The following PLCL1 variants were observed in gnomAD, a reference collection of about 807,000 sequenced individuals.
PLCL1 encodes the protein phospholipase C like 1 (inactive).
PLCL1 carries 41 observed loss-of-function variants against 84.4 expected under a neutral mutation model. The observed-to-expected ratio is 0.49, with a 90% CI of 0.38 to 0.63. PLCL1 has a LOEUF of 0.63. Ranked by LOEUF, PLCL1 falls within the 30% of genes least tolerant of loss-of-function variation. PLCL1 has a pLI of 0.00. For missense variants in PLCL1, 1,206 were observed against 1,367.8 expected (o/e 0.88, Z 1.87); for synonymous variants, 490 against 488.3 (o/e 1.00, Z -0.05).
At chr2:197,830,202 G>T (rs1691026944) in intron 1 of PLCL1, among the ~76,000 whole-genome samples, 1 of 151,976 alleles carries the variant, frequency 6.6e-6, no homozygotes, top group African/African-American at 2.4e-5. Flanking sequence ...GCTTCAGAAG[G>T]TGGGTAATAA....
At chr2:198,040,500 C>A (rs12329164) in intron 1 of PLCL1, among the ~76,000 whole-genome samples, 3 of 151,814 alleles carry the variant, frequency 2.0e-5, no homozygotes, top group South Asian at 2.1e-4. Flanking sequence ...AGAGAGGAAC[C>A]CAGCTGTCAG....
chr2:197,995,893 G>T (rs1001887519), intron 1 of PLCL1, among the ~76,000 whole-genome samples: 2 of 152,158 alleles, frequency 1.3e-5, no homozygotes, highest in African/African-American at 4.8e-5. Flanking sequence ...GTGACAAATG[G>T]TCATCTTATG....
At chr2:198,106,269 GA>G (rs1302969907) in intron 5 of PLCL1, among the ~76,000 whole-genome samples, 1 of 151,916 alleles carries the variant, frequency 6.6e-6, no homozygotes, top group East Asian at 1.9e-4. Flanking sequence ...ATGTTTATGT[GA>G]AAGTGTTAGG....
intron 1 of PLCL1, among the ~76,000 whole-genome samples, chr2:197,810,639 A>G (rs886824302): frequency 1.3e-5 from 2 of 152,204 alleles, no homozygotes; most frequent in Admixed American, 1.3e-4. Context: ...AGATATCAGG[A>G]GACAGCCGAC....
Position 197,922,633 on chromosome 2 carries a change from G to C in PLCL1, c.240+117294G>C, listed in dbSNP as rs569093844. ...ACCTCCCGGACGGGGCGGCTGGCCG[G>C]GCAGGGGGCTGACCCCCCCACCCCC... On this transcript the variant is annotated intron_variant, in intron 1 of 5. Transcript: ENST00000428675. Among the ~76,000 whole-genome samples, 599 of 144,058 alleles carry C rather than the reference G, an allele frequency of 4.2e-3. 21 individuals carry two copies. Among genetic ancestry groups the C allele is most frequent in the African/African-American group, 0.015 (573 of 39,252 alleles). The allele number at this position is 144,058 out of a possible 152,430, so 94.5% of individuals were successfully genotyped here.
At chr2:197,941,512 G>A (rs2105774645) in intron 1 of PLCL1, among the ~76,000 whole-genome samples, 1 of 152,206 alleles carries the variant, frequency 6.6e-6, no homozygotes, top group South Asian at 2.1e-4. Context: ...GGCTGGTCTC[G>A]AACTCTGGGC....
rs113427668 is a variant in PLCL1, at chr2:197,811,642, T to A, written c.240+6303T>A. On this transcript the variant is annotated intron_variant, in intron 1 of 5. Coordinates refer to ENST00000428675, the MANE Select transcript of PLCL1 (RefSeq NM_006226.4). The stretch of plus-strand genomic sequence containing the variant: ...GTTTCCATATATTTCTTAATTTGTA[T>A]TTGTAAATTTATGAAAGTGTGTAGC... Among the ~76,000 whole-genome samples the A allele has an allele frequency of 5.6e-3, 860 of 152,358 alleles. 13 individuals are homozygous for A. The highest frequency in any genetic ancestry group is 0.019 in the African/African-American group (804 of 41,582).
intron 1 of PLCL1, among the ~76,000 whole-genome samples, chr2:198,030,903 A>C (rs1270247955): frequency 1.3e-5 from 2 of 152,186 alleles, no homozygotes; most frequent in Non-Finnish European, 2.9e-5. Context: ...CTGTGTTCGT[A>C]AGGCACAAGA....
intron 1 of PLCL1, among the ~76,000 whole-genome samples, chr2:197,982,963 T>C (rs1435656139): frequency 6.6e-6 from 1 of 152,126 alleles, no homozygotes; most frequent in Admixed American, 6.5e-5. Context: ...AAATGTTTGT[T>C]TGCTTAATTT....
At position 198,148,636 on chromosome 2, in the gene PLCL1, A is replaced by T. The variant is rs1694581675; in HGVS notation, c.*1674A>T. 6.6e-6 allele frequency: 1 copy of T among 152,282 alleles called. No individual in the cohort carries two copies. The highest frequency in any genetic ancestry group is 2.1e-4 in the South Asian group (1 of 4,828). 9.4% of individuals were successfully genotyped at this position (152,282 alleles called of 1,614,324 possible). A position where few individuals can be genotyped will look rare whatever the true frequency, so the allele number is the denominator to read the frequency against. ...ATTTCTTTACCCTCTGTTATATTTA[A>T]CTTGCTGGTAGGAGGAATAGTGGAA... On this transcript the variant is annotated 3_prime_UTR_variant, in exon 6 of 6. Coordinates refer to ENST00000428675, the MANE Select transcript of PLCL1 (RefSeq NM_006226.4).
At chr2:198,008,310 CAA>C (rs1690780765) in intron 1 of PLCL1, among the ~76,000 whole-genome samples, 1 of 151,984 alleles carries the variant, frequency 6.6e-6, no homozygotes, top group South Asian at 2.1e-4. Flanking sequence ...CAGATTGCTA[CAA>C]CTTTTTCGTC....
At chr2:197,897,363 G>A (rs1400745790) in intron 1 of PLCL1, among the ~76,000 whole-genome samples, 1 of 151,814 alleles carries the variant, frequency 6.6e-6, no homozygotes, top group East Asian at 1.9e-4. Context: ...TTGCATTATT[G>A]TAGAAGACAA....
chr2:198,038,066 T>C (rs181022797), intron 1 of PLCL1, among the ~76,000 whole-genome samples: 1 of 152,198 alleles, frequency 6.6e-6, no homozygotes, highest in Non-Finnish European at 1.5e-5. Context: ...GTGAGGTATA[T>C]GTATGCCAAT....
At chr2:198,116,523 A>G (rs1693752983) in intron 5 of PLCL1, among the ~76,000 whole-genome samples, 1 of 151,806 alleles carries the variant, frequency 6.6e-6, no homozygotes, top group Non-Finnish European at 1.5e-5. Context: ...ATGCCCTTGG[A>G]GTTTTAAAAA....
chr2:197,828,922 T>TA (rs953623799), intron 1 of PLCL1, among the ~76,000 whole-genome samples: 1 of 152,200 alleles, frequency 6.6e-6, no homozygotes, highest in African/African-American at 2.4e-5. Flanking sequence ...GCTGATTGTG[T>TA]AATTACATGC....
chr2:198,107,008 C>T (rs1379646348), intron 5 of PLCL1, among the ~76,000 whole-genome samples: 2 of 151,914 alleles, frequency 1.3e-5, no homozygotes, highest in Middle Eastern at 3.4e-3. Flanking sequence ...TCTTTTCTCA[C>T]GCTGCTAATA....
rs1378180889 is a variant in PLCL1 at position 198,146,776 on chromosome 2, G to T, written c.3106-4G>T. 1.2e-6 allele frequency: 2 copies of T among 1,605,576 alleles called. No individual in the cohort carries two copies. Among genetic ancestry groups the T allele is most frequent in the Admixed American group, 1.7e-5 (1 of 58,842 alleles). Reference sequence around the variant, plus strand: ...CTTTGATGCCTGTTTTTTTCTGTTTGTAGGGCCAAGGAGATCTGTTGAAGA... The same window carrying T: ...CTTTGATGCCTGTTTTTTTCTGTTTTTAGGGCCAAGGAGATCTGTTGAAGA... On this transcript the variant is annotated splice_polypyrimidine_tract_variant and splice_region_variant and intron_variant, in intron 5 of 5. Transcript: ENST00000428675.
chr2:197,818,212 T>C (rs1478663815), intron 1 of PLCL1, among the ~76,000 whole-genome samples: 2 of 152,118 alleles, frequency 1.3e-5, no homozygotes, highest in African/African-American at 4.8e-5. Flanking sequence ...TGTACTAGGA[T>C]GGAAGTAGTT....
At chr2:197,947,237 A>AATATATATATATAT (rs55700681) in intron 1 of PLCL1, among the ~76,000 whole-genome samples, 291 of 142,716 alleles carry the variant, frequency 2.0e-3, no homozygotes, top group South Asian at 4.5e-3. Context: ...TGCTTAGATA[A>AATATATATATATAT]ATATATATAT....
Sources: gnomAD v4.1 joint callset for allele counts (sites outside exome capture counted in the v4.1 genomes callset) on GRCh38, gnomAD v4.1.1 for gene constraint, MANE v1.5 for transcripts, NCBI Gene and HGNC (gene_info 2026-07-23, HGNC 2026-07-21) for gene names.